The following KAZN variants were observed in gnomAD, a reference collection of about 807,000 sequenced individuals.
KAZN encodes kazrin.
A neutral mutation model predicts 87.4 loss-of-function variants in KAZN; 40 were observed. That is an observed-to-expected ratio of 0.46 (90% CI 0.36 to 0.60). KAZN has a LOEUF of 0.60. Among genes scored for constraint, KAZN ranks in the 20% least tolerant of loss-of-function variants. The pLI, the probability that KAZN is intolerant of heterozygous loss-of-function variation, is 0.00. For synonymous variants in KAZN, 466 were observed against 458.3 expected (o/e 1.02, Z -0.22); for missense variants, 898 against 1,073.9 (o/e 0.84, Z 2.29).
At chr1:14,703,130 G>A (rs530004462) in intron 1 of KAZN, among the ~76,000 whole-genome samples, 1 of 152,122 alleles carries the variant, frequency 6.6e-6, no homozygotes, top group Non-Finnish European at 1.5e-5. Context: ...GTATATATTG[G>A]GTCTTTGAGA....
intron 8 of KAZN, among the ~76,000 whole-genome samples, chr1:15,087,827 G>A (rs1191717273): frequency 6.6e-6 from 1 of 152,222 alleles, no homozygotes; most frequent in Non-Finnish European, 1.5e-5. Context: ...CTCCGTCACT[G>A]AGTATCCACT....
rs546881320 is a variant in KAZN at position 15,076,133 on chromosome 1, G to A, written c.1222+10380G>A. Among the ~76,000 whole-genome samples the A allele has an allele frequency of 2.7e-3, 410 of 152,286 alleles. 1 individual carries two copies. The highest frequency in any genetic ancestry group is 3.6e-3 in the Non-Finnish European group (242 of 68,010). Reference sequence around the variant, plus strand: ...GCAGCCTCTGACAGCTGTCACTGTGGGCACCAGAGCTGTGGTGGCAAGGAG... The same window carrying A: ...GCAGCCTCTGACAGCTGTCACTGTGAGCACCAGAGCTGTGGTGGCAAGGAG... On this transcript the variant is annotated intron_variant, in intron 8 of 14. Coordinates refer to ENST00000376030, the MANE Select transcript of KAZN (RefSeq NM_201628.3).
chr1:14,697,866 G>C (rs1206949999), intron 1 of KAZN, among the ~76,000 whole-genome samples: 1 of 152,200 alleles, frequency 6.6e-6, no homozygotes, highest in Non-Finnish European at 1.5e-5. Context: ...TCCATCTCGA[G>C]CTCCTCACAC....
chr1:15,011,814 A>G (rs1204669578), intron 2 of KAZN, among the ~76,000 whole-genome samples: 1 of 152,096 alleles, frequency 6.6e-6, no homozygotes, highest in Non-Finnish European at 1.5e-5. Flanking sequence ...CTGCGCACTC[A>G]GGGTTGGGGG....
At chr1:14,091,710 A>G (rs1643999436) in intron 1 of KAZN, among the ~76,000 whole-genome samples, 1 of 152,224 alleles carries the variant, frequency 6.6e-6, no homozygotes, top group South Asian at 2.1e-4. Flanking sequence ...TGTTAAATCT[A>G]TGGACCCCCT....
intron 1 of KAZN, among the ~76,000 whole-genome samples, chr1:14,104,422 A>G (rs957043019): frequency 6.6e-6 from 1 of 152,200 alleles, no homozygotes; most frequent in Non-Finnish European, 1.5e-5. Context: ...TTTTTTTTTA[A>G]AGGTTTCCTG....
At chr1:14,103,030 C>T (rs1277699676) in intron 1 of KAZN, among the ~76,000 whole-genome samples, 1 of 151,908 alleles carries the variant, frequency 6.6e-6, no homozygotes, top group African/African-American at 2.4e-5. Context: ...TGCCTTCATG[C>T]CTCAGCCTCC....
rs185856717 is a variant in KAZN, at chr1:14,838,638, G to A, written c.227-122046G>A. Among the ~76,000 whole-genome samples the A allele has an allele frequency of 4.6e-3, 705 of 152,130 alleles. 11 individuals carry two copies. Among genetic ancestry groups the A allele is most frequent in the Non-Finnish European group, 3.8e-3 (257 of 67,992 alleles). Reference sequence around the variant, plus strand: ...GTTCTTTTTGTTTGTGAGGGGAAGGGGAGACAGAGTCTCATTCTGTCACCC... The same window carrying A: ...GTTCTTTTTGTTTGTGAGGGGAAGGAGAGACAGAGTCTCATTCTGTCACCC... On this transcript the variant is annotated intron_variant, in intron 1 of 14. Transcript: ENST00000376030.
rs566298985 is a variant in KAZN at position 14,077,858 on chromosome 1, G to T, written c.92-102577G>T. Among the ~76,000 whole-genome samples the T allele has an allele frequency of 2.6e-5, 4 of 152,224 alleles. 1 individual carries two copies. The highest frequency in any genetic ancestry group is 9.6e-5 in the African/African-American group (4 of 41,512). Reference sequence around the variant, plus strand: ...GGGAGAAAGCAATGTGAAAATGGAGGCAGGGATTGGAGTGATGCATCTCCA... The same window carrying T: ...GGGAGAAAGCAATGTGAAAATGGAGTCAGGGATTGGAGTGATGCATCTCCA... On this transcript the variant is annotated intron_variant, in intron 1 of 16. Transcript: ENST00000636203.
intron 2 of KAZN, among the ~76,000 whole-genome samples, chr1:14,230,114 ATTAAT>A (rs1263877369): frequency 6.6e-6 from 1 of 152,232 alleles, no homozygotes; most frequent in Non-Finnish European, 1.5e-5. Flanking sequence ...TTTAATTTTA[ATTAAT>A]TTAAATATAA....
chr1:14,032,693 A>G (rs574153185), intron 1 of KAZN, among the ~76,000 whole-genome samples: 3 of 152,242 alleles, frequency 2.0e-5, no homozygotes, highest in Admixed American at 1.3e-4. Context: ...AGCTCTTCCA[A>G]TGGACTGTCA....
intron 1 of KAZN, among the ~76,000 whole-genome samples, chr1:14,091,214 G>T (rs1238620741): frequency 6.6e-6 from 1 of 151,532 alleles, no homozygotes; most frequent in East Asian, 1.9e-4. Flanking sequence ...CAGCCACTCT[G>T]GCCTTCTCAA....
intron 1 of KAZN, among the ~76,000 whole-genome samples, chr1:14,875,968 A>C (rs1042542891): frequency 6.6e-6 from 1 of 152,126 alleles, no homozygotes; most frequent in African/African-American, 2.4e-5. Context: ...CACAGTTGAC[A>C]CCCCCTGCTT....
chr1:14,385,081 T>C (rs1661746649), intron 2 of KAZN, among the ~76,000 whole-genome samples: 1 of 151,976 alleles, frequency 6.6e-6, no homozygotes, highest in Non-Finnish European at 1.5e-5. Flanking sequence ...CCATTTCTTC[T>C]AGATTTTCTA....
chr1:14,522,952 T>C (rs72645979), intron 2 of KAZN, among the ~76,000 whole-genome samples: 3 of 152,312 alleles, frequency 2.0e-5, no homozygotes, highest in Non-Finnish European at 2.9e-5. Flanking sequence ...GGTCTTTCTC[T>C]AGCACCAAGG....
At chr1:14,199,288 T>G (rs1646590918) in intron 2 of KAZN, among the ~76,000 whole-genome samples, 1 of 152,136 alleles carries the variant, frequency 6.6e-6, no homozygotes, top group Admixed American at 6.5e-5. Context: ...ACCGCCCTTT[T>G]CTGCCCAGTC....
Position 15,067,337 on chromosome 1 carries a change from C to T in KAZN, c.1222+1584C>T, listed in dbSNP as rs1557775686. The T allele has an allele frequency of 7.1e-6, 7 of 985,382 alleles. No homozygotes were observed. In the South Asian group the frequency reaches 2.8e-4, roughly 40 times the overall value. 61.0% of individuals were successfully genotyped at this position (985,382 alleles called of 1,614,324 possible). A position where few individuals can be genotyped will look rare whatever the true frequency, so the allele number is the denominator to read the frequency against. ...GCCTGAGCCTACCCACCCCAGGAGACAAGAGCTGGCAGGAACATCTGCCTA... is the reference window on the plus strand; with the variant it reads ...GCCTGAGCCTACCCACCCCAGGAGATAAGAGCTGGCAGGAACATCTGCCTA... On this transcript the variant is annotated intron_variant, in intron 8 of 14. Coordinates refer to ENST00000376030, the MANE Select transcript of KAZN (RefSeq NM_201628.3).
At chr1:14,971,669 T>C (rs1665048520) in intron 2 of KAZN, among the ~76,000 whole-genome samples, 2 of 147,708 alleles carry the variant, frequency 1.4e-5, no homozygotes, top group Non-Finnish European at 3.0e-5. Flanking sequence ...TTGTTTTTTT[T>C]TTTTTCTTTT....
In KAZN at chr1:15,101,842, C is replaced by T. The variant is rs932213249; in HGVS notation, c.1779+68C>T. The T allele has an allele frequency of 3.0e-5, 31 of 1,016,954 alleles. No individual in the cohort carries two copies. The African/African-American group carries it at 4.4e-4, about 15-fold the overall frequency. The allele number at this position is 1,016,954 out of a possible 1,614,324, so 63.0% of individuals were successfully genotyped here. On this transcript the variant is annotated intron_variant, in intron 11 of 14. Coordinates refer to ENST00000376030, the MANE Select transcript of KAZN (RefSeq NM_201628.3). ...CCCCTCCCCTCTTGGCATCTACTGT[C>T]TGTTCATCTGTCCACCCACTACCCG...
Sources: allele counts gnomAD v4.1 joint callset (sites outside exome capture counted in the v4.1 genomes callset), GRCh38; gene constraint gnomAD v4.1.1; transcripts MANE v1.5; gene names NCBI Gene and HGNC (gene_info 2026-07-23, HGNC 2026-07-21).